The following RTN4RL1 variants were observed in gnomAD, a reference collection of about 807,000 sequenced individuals.
The protein encoded by RTN4RL1 is reticulon-4 receptor-like 1.
Under a neutral mutation model 25.6 loss-of-function variants are expected in RTN4RL1, and 7 were observed. The ratio of observed to expected loss-of-function variants is 0.27; its 90% CI spans 0.16 to 0.51. The LOEUF is 0.51. Ranked by LOEUF, RTN4RL1 falls within the 20% of genes least tolerant of loss-of-function variation. The probability of loss-of-function intolerance (pLI) is 0.97; values close to 1 mark genes in which losing one functional copy is unlikely to be tolerated. For synonymous variants in RTN4RL1, 297 were observed against 288.2 expected (o/e 1.03, Z -0.31); for missense variants, 500 against 615.6 (o/e 0.81, Z 1.99).
chr17:1,954,428 A>C, intron 1 of RTN4RL1, among the ~76,000 whole-genome samples: 1 of 120,462 alleles, frequency 8.3e-6, no homozygotes, highest in Admixed American at 1.1e-4. Context: ...CGCTCTTGCC[A>C]CCCAGACTGG....
At chr17:1,945,769 G>T (rs193147927) in intron 1 of RTN4RL1, among the ~76,000 whole-genome samples, 36 of 152,324 alleles carry the variant, frequency 2.4e-4, no homozygotes, top group Admixed American at 6.5e-4. Flanking sequence ...CCGTGAGGAC[G>T]GTGGTTTTGC....
At chr17:1,975,909 G>A (rs2066840879) in intron 1 of RTN4RL1, among the ~76,000 whole-genome samples, 1 of 152,162 alleles carries the variant, frequency 6.6e-6, no homozygotes, top group Admixed American at 6.6e-5. Context: ...CCACCCCTGA[G>A]ACCAGAAATA....
intron 1 of RTN4RL1, among the ~76,000 whole-genome samples, chr17:2,014,409 T>A (rs1462698713): frequency 6.6e-6 from 1 of 152,144 alleles, no homozygotes; most frequent in African/African-American, 2.4e-5. Flanking sequence ...ACTCTCCCCA[T>A]TCAAGGCATG....
At chr17:1,978,680 C>A (rs2066854296) in intron 1 of RTN4RL1, among the ~76,000 whole-genome samples, 1 of 152,150 alleles carries the variant, frequency 6.6e-6, no homozygotes, top group African/African-American at 2.4e-5. Context: ...TGAGGTAGTG[C>A]GCACGGAGCA....
chr17:1,939,136 A>T (rs1218220527), intron 1 of RTN4RL1, among the ~76,000 whole-genome samples: 1 of 152,006 alleles, frequency 6.6e-6, no homozygotes, highest in Non-Finnish European at 1.5e-5. Flanking sequence ...GCGGATCACG[A>T]GGTCAGGAGA....
chr17:2,019,275 C>G (rs1031003095), intron 1 of RTN4RL1: 5 of 152,374 alleles, frequency 3.3e-5, no homozygotes, highest in Non-Finnish European at 7.3e-5. Context: ...GGCTCCGTTC[C>G]CGTTTCGCCA....
At chr17:1,949,949 G>T (rs1214518210) in intron 1 of RTN4RL1, among the ~76,000 whole-genome samples, 4 of 152,222 alleles carry the variant, frequency 2.6e-5, no homozygotes, top group Admixed American at 6.5e-5. Flanking sequence ...AGGTGCAAAG[G>T]CCCTGAGGCA....
At chr17:2,002,691 C>T (rs2066967697) in intron 1 of RTN4RL1, among the ~76,000 whole-genome samples, 1 of 152,112 alleles carries the variant, frequency 6.6e-6, no homozygotes, top group African/African-American at 2.4e-5. Flanking sequence ...CTCTTCCTCC[C>T]CACGCCCGTC....
intron 1 of RTN4RL1, among the ~76,000 whole-genome samples, chr17:1,969,115 G>C (rs1013298782): frequency 1.4e-3 from 205 of 145,092 alleles, no homozygotes; most frequent in African/African-American, 5.0e-3. Flanking sequence ...CTGGAGTGCA[G>C]TGGCGCAATC....
At chr17:2,002,210 TTC>T (rs375405398) in intron 1 of RTN4RL1, among the ~76,000 whole-genome samples, 15 of 151,846 alleles carry the variant, frequency 9.9e-5, no homozygotes, top group African/African-American at 3.1e-4. Flanking sequence ...CCTTCCTTCT[TTC>T]TCTTTCTTTC....
intron 1 of RTN4RL1, among the ~76,000 whole-genome samples, chr17:2,005,764 T>TCC (rs1371426012): frequency 4.1e-5 from 6 of 145,558 alleles, no homozygotes; most frequent in South Asian, 2.2e-4. Context: ...TCTCTCTCTC[T>TCC]CCTTCTCTTT....
rs565728677 is a variant in RTN4RL1, at chr17:1,967,383, C to T, written c.14-29575G>A. Among the ~76,000 whole-genome samples the T allele has an allele frequency of 5.9e-5, 9 of 152,242 alleles. No homozygotes were observed. The East Asian group carries it at 1.5e-3, about 26-fold the overall frequency. On this transcript the variant is annotated intron_variant, in intron 1 of 1. Transcript: ENST00000331238. The stretch of plus-strand genomic sequence containing the variant: ...GGCCCCCTCAGCATCCTCAGCTCCC[C>T]GCCCCCGCTACCCACCACGCCTCGC...
chr17:1,939,270 G>A (rs556299235), intron 1 of RTN4RL1, among the ~76,000 whole-genome samples: 28 of 151,108 alleles, frequency 1.9e-4, no homozygotes, highest in African/African-American at 4.1e-4. Context: ...GGAGAATAGC[G>A]TGAACCCGGG....
chr17:1,965,283 C>T lies in RTN4RL1; in HGVS notation c.14-27475G>A, dbSNP rs562181008. 4.0e-5 allele frequency among the ~76,000 whole-genome samples: 6 copies of T among 148,618 alleles called. No homozygotes were observed. The East Asian group carries it at 1.2e-3, about 30-fold the overall frequency. ...CGCCCCCCATGCCCAGCTCGTTTTT[C>T]GTATTTTTAGTAGAGATGGGGTTTC... On this transcript the variant is annotated intron_variant, in intron 1 of 1. Transcript: ENST00000331238.
At chr17:2,006,545 C>A (rs1597240729) in intron 1 of RTN4RL1, among the ~76,000 whole-genome samples, 1 of 152,118 alleles carries the variant, frequency 6.6e-6, no homozygotes, top group Middle Eastern at 3.4e-3. Flanking sequence ...CTTGACCTAC[C>A]AGGCTCAAGT....
At chr17:1,983,947 T>C (rs1229213742) in intron 1 of RTN4RL1, among the ~76,000 whole-genome samples, 2 of 152,062 alleles carry the variant, frequency 1.3e-5, no homozygotes, top group African/African-American at 4.8e-5. Context: ...GGCTGGGACA[T>C]GTAAGCTGGT....
chr17:1,968,710 A>T (rs1446185204), intron 1 of RTN4RL1, among the ~76,000 whole-genome samples: 1 of 151,092 alleles, frequency 6.6e-6, no homozygotes, highest in African/African-American at 2.4e-5. Context: ...GCCTGAGGTC[A>T]CCCGTCCCCT....
intron 1 of RTN4RL1, among the ~76,000 whole-genome samples, chr17:1,999,185 C>T (rs1324056367): frequency 4.7e-5 from 7 of 149,944 alleles, no homozygotes; most frequent in Non-Finnish European, 8.9e-5. Flanking sequence ...CGGTGGCTCA[C>T]GGCTGTAATC....
Position 1,937,127 on chromosome 17 carries a change from CTGT to C in RTN4RL1, c.692_694del (p.Asn231del). ...GCACTCACCCTGCAGCTCCGAGAGGCTGTTGTTGAAGAGGAAGAGGGTGGTCAG... is the reference window on the plus strand; with the variant it reads ...GCACTCACCCTGCAGCTCCGAGAGGCTGTTGAAGAGGAAGAGGGTGGTCAG... On this transcript the variant is annotated inframe_deletion, in exon 2 of 2. Coordinates refer to ENST00000331238, the MANE Select transcript of RTN4RL1 (RefSeq NM_178568.4). 1 of 1,610,872 alleles carries C rather than the reference CTGT, an allele frequency of 6.2e-7. No individual in the cohort carries two copies.
Sources: gnomAD v4.1 joint callset for allele counts (sites outside exome capture counted in the v4.1 genomes callset) on GRCh38, gnomAD v4.1.1 for gene constraint, MANE v1.5 for transcripts, NCBI Gene and HGNC (gene_info 2026-07-23, HGNC 2026-07-21) for gene names.